Variants in ACSS3 observed in about 807,000 individuals in gnomAD.
ACSS3 encodes acyl-CoA synthetase short-chain family member 3, mitochondrial.
ACSS3 carries 64 observed loss-of-function variants against 84.2 expected under a neutral mutation model. The observed-to-expected ratio is 0.76, with a 90% confidence interval of 0.62 to 0.94. ACSS3 has a LOEUF of 0.94. ACSS3 is among the 40% of genes least tolerant of loss of function. The pLI, the probability that ACSS3 is intolerant of heterozygous loss-of-function variation, is 0.00. For synonymous variants in ACSS3, 317 were observed against 310.1 expected, an observed-to-expected ratio of 1.02 and a Z score of -0.23; for missense variants, 815 against 867.6, an observed-to-expected ratio of 0.94 and a Z score of 0.76.
At chr12:81,118,873 C>T (rs1026727250) in intron 2 of ACSS3, among the ~76,000 whole-genome samples, 1 of 151,994 alleles carries the variant, frequency 6.6e-6, no homozygotes, top group African/African-American at 2.4e-5. Context: ...GTGAGAAATA[C>T]AAAAAAGCTA....
At chr12:81,216,165 T>A (rs2032906011) in intron 9 of ACSS3, among the ~76,000 whole-genome samples, 1 of 151,346 alleles carries the variant, frequency 6.6e-6, no homozygotes. Flanking sequence ...ATTAAAATGT[T>A]TTTTTCTGTG....
intron 2 of ACSS3, among the ~76,000 whole-genome samples, chr12:81,132,905 A>G (rs1885595394): frequency 6.6e-6 from 1 of 152,088 alleles, no homozygotes. Context: ...AAGCATGGTC[A>G]CTTTCTGCAG....
At chr12:81,227,776 A>G (rs2033319027) in intron 11 of ACSS3, among the ~76,000 whole-genome samples, 1 of 151,776 alleles carries the variant, frequency 6.6e-6, no homozygotes, top group Non-Finnish European at 1.5e-5. Context: ...GCATATATTG[A>G]ATTCTTTGTT....
intron 2 of ACSS3, among the ~76,000 whole-genome samples, chr12:81,128,406 T>G (rs1885257823): frequency 6.6e-6 from 1 of 152,180 alleles, no homozygotes; most frequent in Admixed American, 6.6e-5. Context: ...AATAAATACA[T>G]TTTTTCATTT....
intron 2 of ACSS3, among the ~76,000 whole-genome samples, chr12:81,129,915 G>A (rs1461677888): frequency 1.3e-5 from 2 of 151,874 alleles, no homozygotes; most frequent in African/African-American, 2.4e-5. Context: ...TTAGAATGAT[G>A]GTTTCCAGCT....
intron 3 of ACSS3, 99 bp downstream of exon 3, chr12:81,135,103 T>G (rs749215141): frequency 1.9e-5 from 19 of 1,024,092 alleles, no homozygotes; most frequent in Admixed American, 3.4e-5. Flanking sequence ...ACTTGTTAGA[T>G]CCTCCCTTCA....
At chr12:81,190,579 T>A (rs184866071) in intron 8 of ACSS3, among the ~76,000 whole-genome samples, 1 of 152,156 alleles carries the variant, frequency 6.6e-6, no homozygotes. Flanking sequence ...TTATTTCTTC[T>A]TTTATGCCGT....
At chr12:81,171,576 G>C (rs906773752) in intron 7 of ACSS3, among the ~76,000 whole-genome samples, 1 of 151,912 alleles carries the variant, frequency 6.6e-6, no homozygotes, top group Non-Finnish European at 1.5e-5. Context: ...TTTATGAATC[G>C]CTTCTTTACT....
chr12:81,181,151 A>T (rs2030890423), intron 8 of ACSS3, among the ~76,000 whole-genome samples: 1 of 152,152 alleles, frequency 6.6e-6, no homozygotes, highest in African/African-American at 2.4e-5. Flanking sequence ...TTCAGCTAAG[A>T]CTTCCCAGTG....
chr12:81,121,979 A>C (rs1238132208), intron 2 of ACSS3, among the ~76,000 whole-genome samples: 1 of 150,574 alleles, frequency 6.6e-6, no homozygotes, highest in Non-Finnish European at 1.5e-5. Flanking sequence ...TGCTGCCCAG[A>C]CAGGAGTGCA....
At chr12:81,219,731 T>G (rs2033039067) in intron 10 of ACSS3, among the ~76,000 whole-genome samples, 1 of 152,122 alleles carries the variant, frequency 6.6e-6, no homozygotes, top group African/African-American at 2.4e-5. Flanking sequence ...AAGGGTATAT[T>G]TAGTGGACAT....
intron 1 of ACSS3, among the ~76,000 whole-genome samples, chr12:81,082,938 G>T (rs1881078380): frequency 6.6e-6 from 1 of 152,196 alleles, no homozygotes; most frequent in Non-Finnish European, 1.5e-5. Flanking sequence ...TTTGGAATAT[G>T]AAAGAAATAC....
intron 1 of ACSS3, among the ~76,000 whole-genome samples, chr12:81,093,325 T>C (rs1449259845): frequency 6.6e-6 from 1 of 151,914 alleles, no homozygotes; most frequent in Non-Finnish European, 1.5e-5. Context: ...TGGTGGCTCA[T>C]GCCTGTTGTC....
At chr12:81,206,193 T>C (rs1026307830) in intron 9 of ACSS3, among the ~76,000 whole-genome samples, 1 of 152,142 alleles carries the variant, frequency 6.6e-6, no homozygotes, top group Non-Finnish European at 1.5e-5. Flanking sequence ...TTTTACTCAG[T>C]AATTTCTGAG....
intron 1 of ACSS3, chr12:81,094,729 T>C (rs1881914762): frequency 6.6e-6 from 1 of 152,156 alleles, no homozygotes; most frequent in Admixed American, 6.5e-5. Flanking sequence ...GCATGAGTTA[T>C]AAGCTGAAAG....
chr12:81,213,951 C>CTT (rs2032779514), intron 9 of ACSS3, among the ~76,000 whole-genome samples: 1 of 37,112 alleles, frequency 2.7e-5, no homozygotes, highest in Non-Finnish European at 7.0e-5. Context: ...CTCTCTCTCC[C>CTT]TCTCTCTCTT....
intron 13 of ACSS3, among the ~76,000 whole-genome samples, chr12:81,241,663 AC>A (rs760971327): frequency 3.4e-4 from 52 of 151,954 alleles, no homozygotes; most frequent in Non-Finnish European, 6.6e-4. Flanking sequence ...CATATGCTTC[AC>A]CCACTTTTTG....
chr12:81,232,133 G>T (rs1004459461), intron 12 of ACSS3, among the ~76,000 whole-genome samples: 5 of 151,812 alleles, frequency 3.3e-5, no homozygotes, highest in African/African-American at 1.2e-4. Context: ...AGATTTGTCA[G>T]TATAGTTGAC....
intron 2 of ACSS3, among the ~76,000 whole-genome samples, chr12:81,134,180 T>C (rs918967403): frequency 2.6e-5 from 4 of 152,112 alleles, no homozygotes; most frequent in African/African-American, 7.2e-5. Flanking sequence ...GAGCAAAGAA[T>C]ATGAGGTCGG....
Sources: allele counts gnomAD v4.1 joint callset (sites outside exome capture counted in the v4.1 genomes callset), GRCh38; gene constraint gnomAD v4.1.1; transcripts MANE v1.5; gene names NCBI Gene and HGNC (gene_info 2026-07-23, HGNC 2026-07-21).